The following ZMAT4 variants were observed in gnomAD, a reference collection of about 807,000 sequenced individuals.
ZMAT4 encodes zinc finger matrin-type 4.
ZMAT4 carries 17 observed loss-of-function variants against 28.7 expected under a neutral mutation model. That is an observed-to-expected ratio of 0.59 (90% CI 0.41 to 0.89). The LOEUF (loss-of-function observed/expected upper bound fraction) is 0.89. Ranked by LOEUF, ZMAT4 falls within the 40% of genes least tolerant of loss-of-function variation. ZMAT4 has a pLI of 0.00. For missense variants in ZMAT4, 240 were observed against 283.8 expected (o/e 0.85, Z 1.11); for synonymous variants, 117 against 109.2 (o/e 1.07, Z -0.44).
chr8:40,775,631 G>A (rs1470158194), intron 2 of ZMAT4, among the ~76,000 whole-genome samples: 5 of 152,170 alleles, frequency 3.3e-5, no homozygotes, highest in African/African-American at 4.8e-5. Flanking sequence ...CCAAGAGTCA[G>A]GGATCCACTA....
chr8:40,537,514 G>A (rs1263874217), intron 6 of ZMAT4, among the ~76,000 whole-genome samples: 3 of 152,040 alleles, frequency 2.0e-5, no homozygotes, highest in African/African-American at 7.2e-5. Flanking sequence ...TGATAAGAAC[G>A]ATTTGTAATT....
chr8:40,669,779 G>A (rs529388908), intron 5 of ZMAT4, among the ~76,000 whole-genome samples: 13 of 152,266 alleles, frequency 8.5e-5, no homozygotes, highest in East Asian at 7.7e-4. Flanking sequence ...ATTTTCAACC[G>A]TGTAGGGGGT....
At chr8:40,667,255 A>T (rs1808456291) in intron 5 of ZMAT4, among the ~76,000 whole-genome samples, 1 of 151,636 alleles carries the variant, frequency 6.6e-6, no homozygotes, top group Non-Finnish European at 1.5e-5. Flanking sequence ...TCCCAGGTTC[A>T]CGCCATTCTC....
chr8:40,891,510 C>T (rs78845611), intron 1 of ZMAT4, among the ~76,000 whole-genome samples: 1,879 of 152,142 alleles, frequency 0.012, 23 homozygotes, highest in Middle Eastern at 0.024. Context: ...CTGTCTCACA[C>T]CCTGGGCTCC....
chr8:40,813,063 A>G (rs968434459), intron 2 of ZMAT4, among the ~76,000 whole-genome samples: 9 of 151,862 alleles, frequency 5.9e-5, no homozygotes, highest in Non-Finnish European at 1.0e-4. Flanking sequence ...CAAATGTACC[A>G]TAGCAATGTA....
At chr8:40,607,332 C>T (rs980107363) in intron 5 of ZMAT4, among the ~76,000 whole-genome samples, 9 of 151,860 alleles carry the variant, frequency 5.9e-5, no homozygotes, top group Non-Finnish European at 1.3e-4. Context: ...GGGGTTTCAC[C>T]GTGTTAGCCA....
At chr8:40,735,040 A>C (rs948831794) in intron 3 of ZMAT4, among the ~76,000 whole-genome samples, 3 of 152,170 alleles carry the variant, frequency 2.0e-5, no homozygotes, top group African/African-American at 7.2e-5. Context: ...GACACAGCTG[A>C]CTCAGCTTTT....
At chr8:40,653,445 A>G (rs1364207969) in intron 5 of ZMAT4, among the ~76,000 whole-genome samples, 2 of 152,106 alleles carry the variant, frequency 1.3e-5, no homozygotes, top group South Asian at 4.1e-4. Flanking sequence ...TAGAAAAACA[A>G]TAATGGAAGT....
At chr8:40,727,392 A>G (rs1405274643) in intron 3 of ZMAT4, among the ~76,000 whole-genome samples, 2 of 152,208 alleles carry the variant, frequency 1.3e-5, no homozygotes, top group African/African-American at 4.8e-5. Context: ...AGTAGCCAGA[A>G]TAGCACCACC....
At chr8:40,785,998 C>A (rs1393997398) in intron 2 of ZMAT4, among the ~76,000 whole-genome samples, 8 of 152,138 alleles carry the variant, frequency 5.3e-5, no homozygotes, top group Admixed American at 5.2e-4. Flanking sequence ...CTGCCTTCAG[C>A]TCCTTGACAG....
At chr8:40,611,004 A>G (rs1805775413) in intron 5 of ZMAT4, among the ~76,000 whole-genome samples, 1 of 152,070 alleles carries the variant, frequency 6.6e-6, no homozygotes, top group Non-Finnish European at 1.5e-5. Flanking sequence ...ATCTCCAAAA[A>G]GACCCGAGTG....
At chr8:40,895,930 A>C (rs1362654717) in intron 1 of ZMAT4, among the ~76,000 whole-genome samples, 1 of 152,158 alleles carries the variant, frequency 6.6e-6, no homozygotes, top group East Asian at 1.9e-4. Context: ...AACCATGCCC[A>C]CCGGCTGGGA....
At chr8:40,693,013 G>A (rs1209945868) in intron 4 of ZMAT4, among the ~76,000 whole-genome samples, 1 of 152,142 alleles carries the variant, frequency 6.6e-6, no homozygotes, top group East Asian at 1.9e-4. Context: ...TAGAAGCTCA[G>A]AATGTCAATG....
chr8:40,824,051 C>A (rs1815929532), intron 2 of ZMAT4, among the ~76,000 whole-genome samples: 1 of 152,042 alleles, frequency 6.6e-6, no homozygotes, highest in Non-Finnish European at 1.5e-5. Flanking sequence ...TATGCAGGGC[C>A]CATTGACTGT....
intron 2 of ZMAT4, among the ~76,000 whole-genome samples, chr8:40,770,548 C>CCTTT (rs1563472551): frequency 1.6e-5 from 1 of 62,352 alleles, no homozygotes; most frequent in African/African-American, 4.6e-5. Flanking sequence ...CTTTCTCTCT[C>CCTTT]ATTTTTTTTT....
intron 5 of ZMAT4, among the ~76,000 whole-genome samples, chr8:40,598,532 G>A (rs1473959349): frequency 6.6e-6 from 1 of 152,076 alleles, no homozygotes; most frequent in Non-Finnish European, 1.5e-5. Flanking sequence ...TCCCTGCAAA[G>A]GACATGATCT....
chr8:40,800,554 G>T (rs1212162789), intron 2 of ZMAT4, among the ~76,000 whole-genome samples: 1 of 151,992 alleles, frequency 6.6e-6, no homozygotes, highest in Non-Finnish European at 1.5e-5. Context: ...ATCACTATCA[G>T]TTCTCAAACC....
chr8:40,897,027 G>A (rs1818901913), intron 1 of ZMAT4, among the ~76,000 whole-genome samples: 2 of 149,546 alleles, frequency 1.3e-5, no homozygotes, highest in Non-Finnish European at 3.0e-5. Flanking sequence ...CAGAGTTTTC[G>A]GGAGCTAATT....
At chr8:40,753,578 G>C (rs2150548591) in intron 3 of ZMAT4, among the ~76,000 whole-genome samples, 1 of 152,264 alleles carries the variant, frequency 6.6e-6, no homozygotes, top group African/African-American at 2.4e-5. Context: ...AACAGAAACT[G>C]CATCTGTTTC....
Sources: gnomAD v4.1 joint callset for allele counts (sites outside exome capture counted in the v4.1 genomes callset) on GRCh38, gnomAD v4.1.1 for gene constraint, MANE v1.5 for transcripts, NCBI Gene and HGNC (gene_info 2026-07-23, HGNC 2026-07-21) for gene names.